NCOA2: variants seen among roughly 807,000 people sequenced by gnomAD.
The protein encoded by NCOA2 is class E basic helix-loop-helix protein 75.
In NCOA2, 21 loss-of-function variants were observed where a neutral mutation model predicts 145.1. The observed-to-expected ratio is 0.14, with a 90% confidence interval of 0.10 to 0.21. NCOA2 has a LOEUF of 0.21. NCOA2 is among the 10% of genes least tolerant of loss of function. The probability of loss-of-function intolerance (pLI) is 1.00; values close to 1 mark genes in which losing one functional copy is unlikely to be tolerated. For synonymous variants in NCOA2, 619 were observed against 637.5 expected (o/e 0.97, Z 0.44); for missense variants, 1,472 against 1,837.6 (o/e 0.80, Z 3.64).
the NCOA2 span, among the ~76,000 whole-genome samples, chr8:70,416,187 GTTTTTTTGT>G: frequency 2.2e-5 from 3 of 136,798 alleles, no homozygotes; most frequent in East Asian, 2.1e-4. Context: ...GGGGACCTCA[GTTTTTTTGT>G]TTTTTTTTTT....
intron 1 of NCOA2, among the ~76,000 whole-genome samples, chr8:70,314,107 G>T (rs560352369): frequency 4.2e-5 from 6 of 144,206 alleles, no homozygotes; most frequent in African/African-American, 7.8e-5. Flanking sequence ...GTGAACCTGG[G>T]AGGCAGAGCT....
chr8:70,142,358 T>C (rs1285946419), intron 13 of NCOA2, among the ~76,000 whole-genome samples: 2 of 152,164 alleles, frequency 1.3e-5, no homozygotes, highest in Admixed American at 6.5e-5. Flanking sequence ...ACTTACGAAA[T>C]GAGAATGTGC....
chr8:70,321,546 G>C (rs998757627), intron 1 of NCOA2, among the ~76,000 whole-genome samples: 2 of 152,018 alleles, frequency 1.3e-5, no homozygotes, highest in African/African-American at 4.8e-5. Flanking sequence ...TTTTGAAAAA[G>C]AAATTATTTA....
chr8:70,137,603 T>C (rs1460503958), intron 15 of NCOA2, among the ~76,000 whole-genome samples: 1 of 152,214 alleles, frequency 6.6e-6, no homozygotes, highest in East Asian at 1.9e-4. Context: ...AAGAACAAGA[T>C]GGACTGTGAG....
chr8:70,350,330 T>A (rs758454483), intron 1 of NCOA2, among the ~76,000 whole-genome samples: 14 of 152,176 alleles, frequency 9.2e-5, no homozygotes, highest in Non-Finnish European at 1.9e-4. Context: ...CTGAAAACTA[T>A]CTCACATGAG....
intron 1 of NCOA2, among the ~76,000 whole-genome samples, chr8:70,395,822 G>T (rs1364636076): frequency 1.3e-5 from 2 of 152,176 alleles, no homozygotes; most frequent in African/African-American, 4.8e-5. Flanking sequence ...GTTAAGCCTT[G>T]AAAGGTTTTG....
At chr8:70,209,597 GATCA>G in intron 4 of NCOA2, among the ~76,000 whole-genome samples, 1 of 152,126 alleles carries the variant, frequency 6.6e-6, no homozygotes, top group East Asian at 1.9e-4. Flanking sequence ...CTCCCACCCT[GATCA>G]GTCAGCAGCC....
intron 1 of NCOA2, among the ~76,000 whole-genome samples, chr8:70,363,299 T>C (rs1244537288): frequency 6.6e-6 from 1 of 150,412 alleles, no homozygotes; most frequent in African/African-American, 2.5e-5. Context: ...AAAAGAATGG[T>C]GTGAACCCAG....
chr8:70,168,447 A>G (rs1219567206), intron 6 of NCOA2, among the ~76,000 whole-genome samples: 1 of 152,016 alleles, frequency 6.6e-6, no homozygotes, highest in Non-Finnish European at 1.5e-5. Context: ...GCCTCTGGAG[A>G]AGCTGGGATT....
chr8:70,320,753 A>T (rs1805982657), intron 1 of NCOA2, among the ~76,000 whole-genome samples: 1 of 152,168 alleles, frequency 6.6e-6, no homozygotes. Flanking sequence ...GTTTTCTTGG[A>T]GGAGTATTGA....
chr8:70,399,958 T>G (rs1038400775), intron 1 of NCOA2, among the ~76,000 whole-genome samples: 1 of 152,220 alleles, frequency 6.6e-6, no homozygotes, highest in African/African-American at 2.4e-5. Flanking sequence ...GGGCATATAA[T>G]GGAAGGACTG....
At chr8:70,322,629 C>T (rs1344166186) in intron 1 of NCOA2, among the ~76,000 whole-genome samples, 6 of 152,186 alleles carry the variant, frequency 3.9e-5, no homozygotes, top group Non-Finnish European at 7.4e-5. Context: ...TCTGCCTTTA[C>T]CATACGTGTG....
intron 1 of NCOA2, among the ~76,000 whole-genome samples, chr8:70,324,188 C>T (rs897017121): frequency 6.6e-6 from 1 of 152,206 alleles, no homozygotes; most frequent in Non-Finnish European, 1.5e-5. Context: ...TCAATATATG[C>T]TATCTAATCC....
chr8:70,331,580 A>G (rs956358024), intron 1 of NCOA2, among the ~76,000 whole-genome samples: 19 of 152,260 alleles, frequency 1.2e-4, no homozygotes, highest in African/African-American at 4.6e-4. Context: ...AAACTTCTAA[A>G]AAGTCTAACA....
chr8:70,328,258 C>A (rs369731231), intron 1 of NCOA2, among the ~76,000 whole-genome samples: 7 of 152,286 alleles, frequency 4.6e-5, no homozygotes, highest in African/African-American at 1.7e-4. Flanking sequence ...GAATACAATT[C>A]TAAGTCTTAT....
chr8:70,389,955 C>G (rs1813038149), intron 1 of NCOA2, among the ~76,000 whole-genome samples: 1 of 152,108 alleles, frequency 6.6e-6, no homozygotes, highest in Admixed American at 6.5e-5. Context: ...CATGAGCCAC[C>G]ATATCCGGCC....
intron 2 of NCOA2, among the ~76,000 whole-genome samples, 163 bp from the exon 3 acceptor site, chr8:70,216,927 G>A (rs183220949): frequency 1.6e-4 from 25 of 152,206 alleles, no homozygotes; most frequent in African/African-American, 4.6e-4. Context: ...TATAAAAGCC[G>A]TCTCTTTAAA....
intron 1 of NCOA2, among the ~76,000 whole-genome samples, chr8:70,326,117 T>C (rs1263197200): frequency 1.3e-5 from 2 of 152,224 alleles, no homozygotes; most frequent in Non-Finnish European, 2.9e-5. Context: ...TTTTGTCAAT[T>C]CTTCCTAGTA....
intron 2 of NCOA2, among the ~76,000 whole-genome samples, chr8:70,231,838 C>T (rs906587181): frequency 6.6e-5 from 10 of 152,124 alleles, no homozygotes; most frequent in African/African-American, 1.2e-4. Flanking sequence ...TACCATAGAA[C>T]GCCTCTATCT....
Sources: gnomAD v4.1 joint callset for allele counts (sites outside exome capture counted in the v4.1 genomes callset) on GRCh38, gnomAD v4.1.1 for gene constraint, MANE v1.5 for transcripts, NCBI Gene and HGNC (gene_info 2026-07-23, HGNC 2026-07-21) for gene names.